The following SOX6 variants were observed in gnomAD, a reference collection of about 807,000 sequenced individuals.
SOX6 encodes transcription factor SOX-6.
In SOX6, 11 loss-of-function variants were observed where a neutral mutation model predicts 97.8. The observed-to-expected ratio is 0.11, with a 90% CI of 0.07 to 0.19. The LOEUF (loss-of-function observed/expected upper bound fraction) is 0.19. Ranked by LOEUF, SOX6 falls within the 10% of genes least tolerant of loss-of-function variation. SOX6 has a pLI of 1.00. For missense variants in SOX6, 810 were observed against 1,039.5 expected, an observed-to-expected ratio of 0.78 and a Z score of 3.04; for synonymous variants, 360 against 371.4, an observed-to-expected ratio of 0.97 and a Z score of 0.35.
At chr11:16,636,290 A>G (rs1848788315) in intron 3 of SOX6, among the ~76,000 whole-genome samples, 1 of 152,206 alleles carries the variant, frequency 6.6e-6, no homozygotes. Flanking sequence ...CATGGAGTCA[A>G]AAGAGATCAT....
intron 4 of SOX6, among the ~76,000 whole-genome samples, chr11:16,219,116 A>G (rs1852462829): frequency 6.6e-6 from 1 of 152,022 alleles, no homozygotes; most frequent in South Asian, 2.1e-4. Flanking sequence ...TTTTGTATAG[A>G]CTTTCTAAGA....
At chr11:16,397,730 A>G (rs1031130747) in intron 1 of SOX6, among the ~76,000 whole-genome samples, 2 of 151,576 alleles carry the variant, frequency 1.3e-5, no homozygotes, top group African/African-American at 2.4e-5. Flanking sequence ...AATTAGGCCC[A>G]AAAGAATAAT....
chr11:16,082,650 C>CTAAA (rs1165356096), intron 9 of SOX6, among the ~76,000 whole-genome samples: 2 of 152,158 alleles, frequency 1.3e-5, no homozygotes, highest in Admixed American at 1.3e-4. Flanking sequence ...TACCATTGTA[C>CTAAA]TAAAGGGACT....
chr11:16,604,874 C>T (rs1246377347), intron 4 of SOX6, among the ~76,000 whole-genome samples: 4 of 152,224 alleles, frequency 2.6e-5, no homozygotes, highest in Non-Finnish European at 4.4e-5. Context: ...TTATCTGCTC[C>T]GAACACACCA....
At chr11:16,237,207 A>T (rs1853050252) in intron 3 of SOX6, among the ~76,000 whole-genome samples, 1 of 151,908 alleles carries the variant, frequency 6.6e-6, no homozygotes, top group African/African-American at 2.4e-5. Flanking sequence ...TGACTGCCAA[A>T]CCTCTAGAGG....
intron 3 of SOX6, among the ~76,000 whole-genome samples, chr11:16,269,463 G>T (rs371299553): frequency 6.7e-6 from 1 of 150,124 alleles, no homozygotes; most frequent in Admixed American, 6.6e-5. Context: ...TAAAAACTTC[G>T]GGGAATGTGT....
At chr11:16,627,817 A>C (rs1331682538) in intron 3 of SOX6, among the ~76,000 whole-genome samples, 2 of 152,056 alleles carry the variant, frequency 1.3e-5, no homozygotes, top group African/African-American at 4.8e-5. Flanking sequence ...CCCAATTGTT[A>C]ATTTTTGTTT....
intron 3 of SOX6, among the ~76,000 whole-genome samples, chr11:16,244,985 A>G (rs1363497849): frequency 6.6e-6 from 1 of 151,788 alleles, no homozygotes; most frequent in East Asian, 1.9e-4. Flanking sequence ...TTGCCTACCA[A>G]AAAAGAAAAG....
At chr11:16,440,273 G>T (rs913528297) in intron 1 of SOX6, among the ~76,000 whole-genome samples, 12 of 152,128 alleles carry the variant, frequency 7.9e-5, no homozygotes, top group African/African-American at 2.4e-4. Flanking sequence ...GGAATAATTA[G>T]AACATGTCAG....
At chr11:16,133,964 C>A (rs535490750) in intron 6 of SOX6, among the ~76,000 whole-genome samples, 7 of 152,248 alleles carry the variant, frequency 4.6e-5, no homozygotes, top group Non-Finnish European at 1.0e-4. Context: ...GAATTACAGG[C>A]GTGAGCCACC....
intron 4 of SOX6, among the ~76,000 whole-genome samples, chr11:16,506,889 C>A (rs1321379422): frequency 6.6e-6 from 1 of 151,952 alleles, no homozygotes; most frequent in Non-Finnish European, 1.5e-5. Flanking sequence ...CATGGTGAAA[C>A]CCTGTCTCTA....
chr11:16,165,923 C>CCT (rs1255141853), intron 6 of SOX6, among the ~76,000 whole-genome samples: 1 of 149,500 alleles, frequency 6.7e-6, no homozygotes, highest in East Asian at 2.0e-4. Flanking sequence ...TCCTAAAAGA[C>CCT]TAAATACATA....
At chr11:16,219,010 G>C (rs1590039273) in intron 4 of SOX6, among the ~76,000 whole-genome samples, 1 of 152,128 alleles carries the variant, frequency 6.6e-6, no homozygotes, top group Admixed American at 6.6e-5. Context: ...TCAGCATTAG[G>C]GATCTTTTTC....
At chr11:16,351,227 G>C (rs1856939421) in intron 1 of SOX6, among the ~76,000 whole-genome samples, 1 of 151,914 alleles carries the variant, frequency 6.6e-6, no homozygotes, top group African/African-American at 2.4e-5. Flanking sequence ...ACCCAGAAGA[G>C]TACCACTGTC....
chr11:16,386,787 G>T (rs1400314053), intron 1 of SOX6, among the ~76,000 whole-genome samples: 1 of 151,934 alleles, frequency 6.6e-6, no homozygotes, highest in African/African-American at 2.4e-5. Flanking sequence ...TTCCTTCATA[G>T]TATTTATTAT....
intron 2 of SOX6, among the ~76,000 whole-genome samples, chr11:16,338,782 T>C (rs1347794611): frequency 4.6e-5 from 7 of 152,146 alleles, no homozygotes; most frequent in Non-Finnish European, 8.8e-5. Flanking sequence ...CATTAAACTA[T>C]TTTATACTAT....
chr11:16,422,533 A>T (rs1054927933), intron 1 of SOX6, among the ~76,000 whole-genome samples: 1 of 152,218 alleles, frequency 6.6e-6, no homozygotes, highest in African/African-American at 2.4e-5. Flanking sequence ...GGAAGTGATA[A>T]GGGCCTTTTG....
At chr11:16,311,575 A>G (rs547115412) in intron 3 of SOX6, 56 of 152,240 alleles carry the variant, frequency 3.7e-4, no homozygotes, top group Admixed American at 1.4e-3. Flanking sequence ...AACACTGTAA[A>G]GATACTCATT....
chr11:16,163,980 A>G (rs559073071), intron 6 of SOX6, among the ~76,000 whole-genome samples: 1 of 152,204 alleles, frequency 6.6e-6, no homozygotes, highest in East Asian at 1.9e-4. Context: ...ATTCTTTTTC[A>G]GGTGTTTTGT....
Sources: gnomAD v4.1 joint callset for allele counts (sites outside exome capture counted in the v4.1 genomes callset) on GRCh38, gnomAD v4.1.1 for gene constraint, MANE v1.5 for transcripts, NCBI Gene and HGNC (gene_info 2026-07-23, HGNC 2026-07-21) for gene names.